The following RBFOX3 variants were observed in gnomAD, a reference collection of about 807,000 sequenced individuals.
The protein encoded by RBFOX3 is RNA binding protein fox-1 homolog 3.
RBFOX3 carries 17 observed loss-of-function variants against 48.7 expected under a neutral mutation model. The ratio of observed to expected loss-of-function variants is 0.35; its 90% CI spans 0.24 to 0.52. The LOEUF (loss-of-function observed/expected upper bound fraction) is 0.52. Among genes scored for constraint, RBFOX3 ranks in the 20% least tolerant of loss-of-function variants. RBFOX3 has a pLI of 0.94. For missense variants in RBFOX3, 382 were observed against 497.5 expected (o/e 0.77, Z 2.21); for synonymous variants, 212 against 209.5 (o/e 1.01, Z -0.10).
intron 4 of RBFOX3, among the ~76,000 whole-genome samples, chr17:79,223,220 G>C (rs1367602553): frequency 1.3e-5 from 2 of 152,132 alleles, no homozygotes; most frequent in East Asian, 1.9e-4. Context: ...ACAGTTGCCT[G>C]TGTATCTGTA....
chr17:79,349,772 C>G (rs1283745558), intron 2 of RBFOX3, among the ~76,000 whole-genome samples: 1 of 151,988 alleles, frequency 6.6e-6, no homozygotes, highest in Admixed American at 6.5e-5. Flanking sequence ...CGAGAGATGC[C>G]ATCAGTGGTG....
intron 2 of RBFOX3, among the ~76,000 whole-genome samples, chr17:79,431,487 ATT>A (rs10633689): frequency 2.5e-5 from 3 of 121,418 alleles, no homozygotes; most frequent in Non-Finnish European, 3.3e-5. Context: ...TGCCTGGCTA[ATT>A]TTTTTTTTTT....
chr17:79,117,544 C>T (rs1341660565), intron 4 of RBFOX3, among the ~76,000 whole-genome samples: 1 of 152,248 alleles, frequency 6.6e-6, no homozygotes, highest in Non-Finnish European at 1.5e-5. Context: ...CACACCCACA[C>T]ATCCCCCTCT....
At chr17:79,581,121 G>A (rs1013139610) in intron 1 of RBFOX3, among the ~76,000 whole-genome samples, 8 of 152,122 alleles carry the variant, frequency 5.3e-5, no homozygotes, top group Admixed American at 3.9e-4. Flanking sequence ...GGTGGCGGGC[G>A]CCTGTAGTCC....
rs939725362 is a variant in RBFOX3, at chr17:79,385,052, G to A, written c.-174-77228C>T. On this transcript the variant is annotated intron_variant, in intron 2 of 14. Coordinates refer to ENST00000693108, the MANE Select transcript of RBFOX3 (RefSeq NM_001350451.2). ...CTTTGTGGTGGGACCAACATTTCCC[G>A]GCCCCTGCCAGGCCCTTGCAAACCC... 8.5e-5 allele frequency among the ~76,000 whole-genome samples: 13 copies of A among 152,340 alleles called. 1 individual carries two copies. Among genetic ancestry groups the A allele is most frequent in the Admixed American group, 1.3e-4 (2 of 15,308 alleles).
rs782353803 is a variant in RBFOX3, at chr17:79,443,544, G to A, written c.-175+38910C>T. Among the ~76,000 whole-genome samples, 8 of 151,922 alleles carry A rather than the reference G, an allele frequency of 5.3e-5. No individual in the cohort carries two copies. Among genetic ancestry groups the A allele is most frequent in the Non-Finnish European group, 7.4e-5 (5 of 67,990 alleles). On this transcript the variant is annotated intron_variant, in intron 2 of 14. Coordinates refer to ENST00000693108, the MANE Select transcript of RBFOX3 (RefSeq NM_001350451.2). This position sits in a 1 kb window ranked among gnomAD's most constrained non-coding sequence, Gnocchi z 4.4. ...ATTATAGGCACCTGACACCACTCCC[G>A]GCTAATTTTTGTATTTTTAGTAGAG...
chr17:79,367,766 G>C lies in RBFOX3; in HGVS notation c.-174-59942C>G, dbSNP rs533284369. Among the ~76,000 whole-genome samples, 4 of 152,220 alleles carry C rather than the reference G, an allele frequency of 2.6e-5. No individual in the cohort carries two copies. In the South Asian group the frequency reaches 8.3e-4, roughly 32 times the overall value. On this transcript the variant is annotated intron_variant, in intron 2 of 14. Transcript: ENST00000693108. Reference sequence around the variant, plus strand: ...GGCCGGACAGGCAGCTCTTTTGGGGGGTCTCTGTGGCAGCCAAGGTATGTG... The same window carrying C: ...GGCCGGACAGGCAGCTCTTTTGGGGCGTCTCTGTGGCAGCCAAGGTATGTG...
chr17:79,352,185 G>A (rs2084070598), intron 2 of RBFOX3, among the ~76,000 whole-genome samples: 1 of 152,134 alleles, frequency 6.6e-6, no homozygotes, highest in South Asian at 2.1e-4. Context: ...CCAACTGTTG[G>A]ACATGGGGCC....
chr17:79,360,478 G>A (rs966877716), intron 2 of RBFOX3, among the ~76,000 whole-genome samples: 8 of 152,196 alleles, frequency 5.3e-5, no homozygotes, highest in South Asian at 4.1e-4. Context: ...AAAGGTGCCC[G>A]CGCTCAGCAG....
chr17:79,360,964 G>A (rs72849697), intron 2 of RBFOX3, among the ~76,000 whole-genome samples: 20,501 of 151,996 alleles, frequency 0.13, 1,695 homozygotes, highest in Middle Eastern at 0.2. Flanking sequence ...AGTAATTGTT[G>A]GGAGAGAGAA....
At chr17:79,247,320 T>TTTC (rs2063319418) in intron 3 of RBFOX3, among the ~76,000 whole-genome samples, 1 of 148,660 alleles carries the variant, frequency 6.7e-6, no homozygotes, top group African/African-American at 2.5e-5. Flanking sequence ...ATTTTTTTTT[T>TTTC]TTTTTTTTTT....
chr17:79,209,834 A>C (rs2058112293), intron 4 of RBFOX3, among the ~76,000 whole-genome samples: 1 of 152,008 alleles, frequency 6.6e-6, no homozygotes, highest in Non-Finnish European at 1.5e-5. Context: ...TCTACTAAAC[A>C]AAAACACAAA....
At chr17:79,541,877 G>A (rs2089743984) in intron 1 of RBFOX3, among the ~76,000 whole-genome samples, 1 of 152,048 alleles carries the variant, frequency 6.6e-6, no homozygotes, top group Admixed American at 6.6e-5. Flanking sequence ...CCAGTTTCGA[G>A]GGCAGAGTGA....
chr17:79,524,355 C>T (rs966837164), intron 1 of RBFOX3, among the ~76,000 whole-genome samples: 111 of 152,266 alleles, frequency 7.3e-4, no homozygotes, highest in African/African-American at 2.5e-3. Context: ...AGGAGTTTAA[C>T]GGAGACCTCT....
At chr17:79,448,372 T>C (rs782312578) in intron 2 of RBFOX3, among the ~76,000 whole-genome samples, 7 of 152,048 alleles carry the variant, frequency 4.6e-5, no homozygotes, top group Non-Finnish European at 7.4e-5. Flanking sequence ...TGCAGACAAA[T>C]TTAAGGTAAG....
rs2078669968 is a variant in RBFOX3, at chr17:79,480,820, G to A, written c.-175+1634C>T. Among the ~76,000 whole-genome samples, 1 of 152,190 alleles carries A rather than the reference G, an allele frequency of 6.6e-6. No individual in the cohort carries two copies. The highest frequency in any genetic ancestry group is 2.4e-5 in the African/African-American group (1 of 41,440). The stretch of plus-strand genomic sequence containing the variant: ...CCATTCCCCGTGGTCTTAATGCACT[G>A]CATTTATCTTCACAGCGTTATGGCG... On this transcript the variant is annotated intron_variant, in intron 2 of 14. Coordinates refer to ENST00000693108, the MANE Select transcript of RBFOX3 (RefSeq NM_001350451.2). The surrounding 1 kb of genome is among the most constrained non-coding windows in gnomAD (Gnocchi z 4.8).
chr17:79,110,323 C>T (rs1437657623), intron 5 of RBFOX3, among the ~76,000 whole-genome samples: 1 of 152,116 alleles, frequency 6.6e-6, no homozygotes, highest in African/African-American at 2.4e-5. Flanking sequence ...AGTTGCCACA[C>T]AGCACCTCCC....
intron 1 of RBFOX3, among the ~76,000 whole-genome samples, chr17:79,582,594 C>T (rs1334574595): frequency 6.6e-5 from 10 of 152,058 alleles, no homozygotes; most frequent in East Asian, 3.9e-4. Context: ...CTTGAGCCTA[C>T]GCATTTGAGA....
intron 2 of RBFOX3, among the ~76,000 whole-genome samples, chr17:79,456,693 C>T (rs148551788): frequency 3.2e-4 from 49 of 152,294 alleles, no homozygotes; most frequent in African/African-American, 1.1e-3. Context: ...GAGTCAGACC[C>T]CCGGGAGTTC....
Sources: allele counts gnomAD v4.1 joint callset (sites outside exome capture counted in the v4.1 genomes callset), GRCh38; gene constraint gnomAD v4.1.1; non-coding constraint Gnocchi (gnomAD v3.1); transcripts MANE v1.5; gene names NCBI Gene and HGNC (gene_info 2026-07-23, HGNC 2026-07-21).